SPP1: variants seen among roughly 807,000 people sequenced by gnomAD.
SPP1 encodes osteopontin.
SPP1 carries 18 observed loss-of-function variants against 20.8 expected under a neutral mutation model. That is an observed-to-expected ratio of 0.87 (90% CI 0.60 to 1.29). The LOEUF (loss-of-function observed/expected upper bound fraction) is 1.29. Ranked by LOEUF, SPP1 falls within the 50% of genes most tolerant of loss-of-function variation. The pLI is 0.00. For missense variants in SPP1, 363 were observed against 389.0 expected (o/e 0.93, Z 0.56); for synonymous variants, 146 against 141.5 (o/e 1.03, Z -0.23).
intron 3 of SPP1, among the ~76,000 whole-genome samples, chr4:87,978,633 T>C (rs779490270): frequency 3.7e-4 from 56 of 152,204 alleles, no homozygotes; most frequent in Admixed American, 1.5e-3. Flanking sequence ...CCACCCTCCT[T>C]GGCCTCCCAA....
intron 1 of SPP1, among the ~76,000 whole-genome samples, chr4:87,976,175 C>T (rs956665110): frequency 1.3e-5 from 2 of 152,158 alleles, no homozygotes; most frequent in African/African-American, 4.8e-5. Flanking sequence ...AATTACAATG[C>T]TATTTTTTAA....
chr4:87,978,945 T>G (rs976415424), intron 3 of SPP1, among the ~76,000 whole-genome samples: 9 of 152,156 alleles, frequency 5.9e-5, no homozygotes, highest in African/African-American at 1.9e-4. Context: ...TCAGAGCAAT[T>G]TCCACTCCTT....
rs368173030 is a variant in SPP1 at position 87,981,795 on chromosome 4, C to T, written c.537C>T (p.Ile179=). 3.4e-5 allele frequency: 55 copies of T among 1,612,880 alleles called. No homozygotes were observed. In the East Asian group the frequency reaches 8.5e-4, roughly 25 times the overall value. Residue 179 remains isoleucine, a synonymous_variant, in exon 6 of 7, where the codon ATC becomes ATT. Transcript: ENST00000395080. ...SKSKKFRRPD[I]QYPDATDEDI... is the part of the protein sequence containing the mutation. ...CTAAGAAGTTTCGCAGACCTGACAT[C>T]CAGGTAAATCCTTTAACAGACACAC...
chr4:87,981,386 A>G, intron 5 of SPP1, 89 bp from the exon 6 acceptor site: 1 of 1,222,474 alleles, frequency 8.2e-7, no homozygotes, highest in Non-Finnish European at 1.1e-6. Flanking sequence ...ACTAAATAAA[A>G]AGAAAGATAG....
chr4:87,981,478 C>T lies in SPP1; in HGVS notation c.220C>T (p.Leu74Phe), dbSNP rs1725639148. The change falls in exon 6 of 7, where the codon CTT becomes TTT. Residue 74 changes from leucine to phenylalanine, a missense_variant. Coordinates refer to ENST00000395080, the MANE Select transcript of SPP1 (RefSeq NM_001040058.2). ...TCCCGGCCATCTTAATTTTCAGACC[C>T]TTCCAAGTAAGTCCAACGAAAGCCA... ...EETNDFKQET[L>F]PSKSNESHDH... 6 of 1,613,622 alleles carry T rather than the reference C, an allele frequency of 3.7e-6. No homozygotes were observed. The highest frequency in any genetic ancestry group is 5.1e-6 in the Non-Finnish European group (6 of 1,179,668).
At chr4:87,977,922 T>G in intron 3 of SPP1, 1 of 960,640 alleles carries the variant, frequency 1.0e-6, no homozygotes, top group Non-Finnish European at 1.3e-6. Flanking sequence ...ATACAGGTGT[T>G]GAATCCTAAT....
chr4:87,977,068 G>A lies in SPP1; in HGVS notation c.64G>A (p.Ala22Thr). Residue 22 changes from alanine (A) to threonine (T), a missense_variant, in exon 3 of 7, where the codon GCT (alanine) becomes ACT (threonine). Physicochemically the swap from Ala to Thr is moderately conservative, Grantham distance 58. Transcript: ENST00000395080. ...GITCAIPVKQ[A>T]DSGSSEEKQL... The stretch of plus-strand genomic sequence containing the variant: ...CTTTTCTGTTTCTAAGGTTAAACAG[G>A]CTGATTCTGGAAGTTCTGAGGAAAA... 1 of 1,613,890 alleles carries A rather than the reference G, an allele frequency of 6.2e-7. No homozygotes were observed. Among genetic ancestry groups the A allele is most frequent in the South Asian group, 1.1e-5 (1 of 91,060 alleles).
In SPP1 at chr4:87,981,519, T is replaced by C; in HGVS notation, c.261T>C (p.Asp87=). ...KSNESHDHMD[D]MDDEDDDDHV... is the part of the protein sequence containing the mutation. ...ACGAAAGCCATGACCACATGGATGA[T>C]ATGGATGATGAAGATGATGATGACC... The change falls in exon 6 of 7, where the codon GAT becomes GAC. Residue 87 remains aspartate (D), a synonymous_variant. Coordinates refer to ENST00000395080, the MANE Select transcript of SPP1 (RefSeq NM_001040058.2). 1 of 1,614,186 alleles carries C rather than the reference T, an allele frequency of 6.2e-7. No individual in the cohort carries two copies.
chr4:87,977,786 A>C, intron 3 of SPP1: 1 of 1,286,606 alleles, frequency 7.8e-7, no homozygotes, highest in Non-Finnish European at 1.0e-6. Context: ...AACAGAATAA[A>C]GGCCAAAATA....
At chr4:87,977,761 G>A (rs923155658) in intron 3 of SPP1, 37 of 1,285,942 alleles carry the variant, frequency 2.9e-5, no homozygotes, top group Non-Finnish European at 3.6e-5. Context: ...GGCACACAGA[G>A]TTCAATTCCA....
chr4:87,982,417 G>A, intron 6 of SPP1, 75 bp from the exon 7 acceptor site: 1 of 1,517,710 alleles, frequency 6.6e-7, no homozygotes, highest in South Asian at 1.3e-5. Context: ...CTAAAAGCTA[G>A]AGAGTGGAAA....
intron 1 of SPP1, 69 bp from the exon 2 acceptor site, chr4:87,976,801 TTTTGTAATGTGG>T (rs1285947050): frequency 2.3e-6 from 2 of 873,136 alleles, no homozygotes; most frequent in East Asian, 2.6e-5. Flanking sequence ...TTTGTGATCA[TTTTGTAATGTGG>T]TAGTATAAAA....
At chr4:87,977,126 T>A in intron 3 of SPP1, 29 bp downstream of exon 3, 1 of 1,602,380 alleles carries the variant, frequency 6.2e-7, no homozygotes, top group East Asian at 2.2e-5. Flanking sequence ...TTTATATAGT[T>A]AAATCATTTA....
At chr4:87,979,803 T>C (rs1406387558) in intron 3 of SPP1, among the ~76,000 whole-genome samples, 4 of 151,666 alleles carry the variant, frequency 2.6e-5, no homozygotes, top group African/African-American at 4.9e-5. Flanking sequence ...ACCTATCTCA[T>C]AGGGGAATGA....
intron 3 of SPP1, among the ~76,000 whole-genome samples, chr4:87,977,360 G>A (rs755634114): frequency 3.9e-5 from 6 of 152,072 alleles, no homozygotes; most frequent in African/African-American, 1.4e-4. Context: ...TGTAAGATAA[G>A]TTATATGAAG....
rs1228680223 is a variant in SPP1, at chr4:87,981,745, G to T, written c.487G>T (p.Val163Leu). 1 of 1,614,192 alleles carries T rather than the reference G, an allele frequency of 6.2e-7. No individual in the cohort carries two copies. The highest frequency in any genetic ancestry group is 8.5e-7 in the Non-Finnish European group (1 of 1,180,034). Residue 163 changes from valine to leucine, a missense_variant, in exon 6 of 7, where the codon GTG (valine) becomes TTG (leucine). By Grantham distance (32) the Val-to-Leu change is conservative. Coordinates refer to ENST00000395080, the MANE Select transcript of SPP1 (RefSeq NM_001040058.2). ...CACATATGATGGCCGAGGTGATAGT[G>T]TGGTTTATGGACTGAGGTCAAAATC... ...VDTYDGRGDS[V>L]VYGLRSKSKK...
intron 3 of SPP1, among the ~76,000 whole-genome samples, 189 bp from the exon 4 acceptor site, chr4:87,979,857 G>C (rs1316845072): frequency 6.6e-6 from 1 of 151,486 alleles, no homozygotes; most frequent in Non-Finnish European, 1.5e-5. Flanking sequence ...TTGAAAGAGT[G>C]CCTAGCCCAC....
At position 87,983,017 on chromosome 4, in the gene SPP1, T is replaced by G. The variant is rs1251461938; in HGVS notation, c.*121T>G. On this transcript the variant is annotated 3_prime_UTR_variant, in exon 7 of 7. Transcript: ENST00000395080. ...TTTATTGGTTGAATGTGTATCTATT[T>G]GAGTCTGGAAATAACTAATGTGTTT... 2.9e-6 allele frequency: 3 copies of G among 1,040,856 alleles called. No individual in the cohort carries two copies. The African/African-American group carries it at 4.9e-5, about 17-fold the overall frequency. 64.5% of individuals were successfully genotyped at this position (1,040,856 alleles called of 1,614,324 possible).
intron 4 of SPP1, 89 bp downstream of exon 4, chr4:87,980,215 C>T: frequency 1.3e-6 from 2 of 1,500,792 alleles, no homozygotes; most frequent in East Asian, 4.6e-5. Flanking sequence ...TCCTGCCTGC[C>T]TGCTGGCAAA....
Sources: gnomAD v4.1 joint callset for allele counts (sites outside exome capture counted in the v4.1 genomes callset) on GRCh38, gnomAD v4.1.1 for gene constraint, MANE v1.5 for transcripts, NCBI Gene and HGNC (gene_info 2026-07-23, HGNC 2026-07-21) for gene names.